The following FOXP1 variants were observed in gnomAD, a reference collection of about 807,000 sequenced individuals.
FOXP1 encodes forkhead box protein P1.
Under a neutral mutation model 98.2 loss-of-function variants are expected in FOXP1, and 15 were observed. The observed-to-expected ratio is 0.15, with a 90% CI of 0.10 to 0.24. The LOEUF (loss-of-function observed/expected upper bound fraction) is 0.24, where lower values mean the gene tolerates loss of function less well. FOXP1 is among the 10% of genes least tolerant of loss of function. The pLI, the probability that FOXP1 is intolerant of heterozygous loss-of-function variation, is 1.00. For missense variants in FOXP1, 633 were observed against 848.5 expected, an observed-to-expected ratio of 0.75 and a Z score of 3.15; for synonymous variants, 371 against 314.5, an observed-to-expected ratio of 1.18 and a Z score of -1.90.
intron 5 of FOXP1, among the ~76,000 whole-genome samples, chr3:71,267,884 AG>A (rs1248602500): frequency 1.3e-5 from 2 of 151,802 alleles, no homozygotes; most frequent in African/African-American, 4.8e-5. Flanking sequence ...CAGTCATGGT[AG>A]TGGGTGCCTG....
intron 2 of FOXP1, among the ~76,000 whole-genome samples, chr3:71,569,050 T>C (rs2047133854): frequency 1.3e-5 from 2 of 152,202 alleles, no homozygotes; most frequent in Non-Finnish European, 2.9e-5. Context: ...GACCTGGTTG[T>C]CCTAGATTCT....
At chr3:71,307,184 T>C (rs2074340981) in intron 4 of FOXP1, among the ~76,000 whole-genome samples, 1 of 152,254 alleles carries the variant, frequency 6.6e-6, no homozygotes, top group Non-Finnish European at 1.5e-5. Flanking sequence ...CTATAGGATG[T>C]GTCCATATTA....
intron 2 of FOXP1, chr3:71,574,248 T>C (rs2047558111): frequency 6.6e-6 from 1 of 152,174 alleles, no homozygotes; most frequent in Non-Finnish European, 1.5e-5. Flanking sequence ...TTGGCAGCTA[T>C]TAAAATAAAG....
intron 2 of FOXP1, chr3:71,573,724 G>A (rs2047516226): frequency 1.3e-5 from 2 of 152,082 alleles, no homozygotes; most frequent in African/African-American, 2.4e-5. Flanking sequence ...ATTATTTAAA[G>A]TTGCTTATGG....
intron 3 of FOXP1, among the ~76,000 whole-genome samples, chr3:71,473,057 G>C: frequency 6.6e-6 from 1 of 152,154 alleles, no homozygotes; most frequent in East Asian, 1.9e-4. Context: ...CCTAGCACTA[G>C]AGCCTGTGTC....
At chr3:70,969,567 AG>A (rs2035739076) in intron 19 of FOXP1, 1 of 152,268 alleles carries the variant, frequency 6.6e-6, no homozygotes, top group African/African-American at 2.4e-5. Flanking sequence ...AGCAAGACCC[AG>A]GGCTCCTGTC....
intron 9 of FOXP1, 61 bp downstream of exon 9, chr3:71,052,476 A>G (rs2050038634): frequency 2.3e-6 from 2 of 860,694 alleles, no homozygotes; most frequent in African/African-American, 3.3e-5. Context: ...TGACAGTTTA[A>G]TAGCCACTAG....
chr3:71,432,446 C>T (rs958527467), intron 3 of FOXP1, among the ~76,000 whole-genome samples: 5 of 152,164 alleles, frequency 3.3e-5, no homozygotes, highest in Non-Finnish European at 7.3e-5. Context: ...GCACCCCTCC[C>T]GGGCCCTGGC....
At chr3:71,223,328 A>AT (rs1553787479) in intron 5 of FOXP1, among the ~76,000 whole-genome samples, 5 of 152,170 alleles carry the variant, frequency 3.3e-5, no homozygotes, top group African/African-American at 7.2e-5. Context: ...TCTTGGAGGC[A>AT]CTTTTTTCCT....
intron 5 of FOXP1, among the ~76,000 whole-genome samples, chr3:71,250,959 T>C (rs554209278): frequency 1.1e-4 from 17 of 152,074 alleles, no homozygotes; most frequent in Non-Finnish European, 2.2e-4. Context: ...AAAAAAAATG[T>C]TTTTGGTAAT....
At chr3:71,268,498 T>A (rs1165533659) in intron 5 of FOXP1, among the ~76,000 whole-genome samples, 2 of 152,064 alleles carry the variant, frequency 1.3e-5, no homozygotes, top group African/African-American at 4.8e-5. Flanking sequence ...CCGATCTTCT[T>A]CTCTTCCACA....
chr3:71,048,919 C>G (rs1306321820), intron 9 of FOXP1, among the ~76,000 whole-genome samples: 1 of 151,862 alleles, frequency 6.6e-6, no homozygotes, highest in East Asian at 1.9e-4. Context: ...GTCTCTGTGG[C>G]CATCCCTAGG....
At position 71,514,662 on chromosome 3, in the gene FOXP1, C is replaced by T. The variant is rs28558670; in HGVS notation, c.-297-21107G>A. 2.7e-3 allele frequency among the ~76,000 whole-genome samples: 414 copies of T among 152,352 alleles called. 2 individuals carry two copies. The highest frequency in any genetic ancestry group is 9.6e-3 in the African/African-American group (399 of 41,582). Reference sequence around the variant, plus strand: ...TGTTGGGAAGGGTATGTTCTCTTCACCTCCTTTTTTCTCCTTCATACAAGT... The same window carrying T: ...TGTTGGGAAGGGTATGTTCTCTTCATCTCCTTTTTTCTCCTTCATACAAGT... On this transcript the variant is annotated intron_variant, in intron 2 of 20. Coordinates refer to ENST00000649528, the MANE Select transcript of FOXP1 (RefSeq NM_001349338.3).
intron 19 of FOXP1, among the ~76,000 whole-genome samples, chr3:70,967,903 T>A (rs975152971): frequency 3.9e-5 from 6 of 152,086 alleles, no homozygotes; most frequent in Non-Finnish European, 8.8e-5. Context: ...GTGGGGCTGC[T>A]GCTAGCTTAA....
chr3:70,958,553 C>T lies in FOXP1; in HGVS notation c.*694G>A, dbSNP rs757890424. ...ACCTATTAACATTCATCACAAGGTACAGAAAACTTTAAGCCTCCAAGAGGC... is the reference window on the plus strand; with the variant it reads ...ACCTATTAACATTCATCACAAGGTATAGAAAACTTTAAGCCTCCAAGAGGC... On this transcript the variant is annotated 3_prime_UTR_variant, in exon 21 of 21. Transcript: ENST00000649528. 4.1e-6 allele frequency: 1 copy of T among 246,742 alleles called. No homozygotes were observed. Among genetic ancestry groups the T allele is most frequent in the Admixed American group, 5.7e-5 (1 of 17,514 alleles). 15.3% of individuals were successfully genotyped at this position (246,742 alleles called of 1,614,324 possible). A position where few individuals can be genotyped will look rare whatever the true frequency, so the allele number is the denominator to read the frequency against.
intron 5 of FOXP1, among the ~76,000 whole-genome samples, chr3:71,200,650 T>C (rs2063614364): frequency 1.3e-5 from 2 of 152,180 alleles, no homozygotes; most frequent in African/African-American, 4.8e-5. Flanking sequence ...GACTTTAATG[T>C]GAAATACCAA....
At chr3:71,002,707 G>A (rs1003212284) in intron 12 of FOXP1, among the ~76,000 whole-genome samples, 3 of 152,150 alleles carry the variant, frequency 2.0e-5, no homozygotes, top group African/African-American at 7.2e-5. Flanking sequence ...AAGAGCCCAC[G>A]ATCCTCAAAG....
intron 7 of FOXP1, among the ~76,000 whole-genome samples, chr3:71,101,308 A>T (rs983104608): frequency 5.9e-5 from 9 of 152,182 alleles, no homozygotes; most frequent in Non-Finnish European, 1.2e-4. Flanking sequence ...ACTTAGGAGC[A>T]GTACAACAGG....
chr3:70,994,629 A>G (rs918154124), intron 13 of FOXP1, among the ~76,000 whole-genome samples: 1 of 152,028 alleles, frequency 6.6e-6, no homozygotes, highest in Non-Finnish European at 1.5e-5. Flanking sequence ...ACACCACCTT[A>G]CTATCTGTAT....
Sources: allele counts gnomAD v4.1 joint callset (sites outside exome capture counted in the v4.1 genomes callset), GRCh38; gene constraint gnomAD v4.1.1; transcripts MANE v1.5; gene names NCBI Gene and HGNC (gene_info 2026-07-23, HGNC 2026-07-21).